Variants in GRM7 observed in about 807,000 individuals in gnomAD.
GRM7 encodes the protein glutamate metabotropic receptor 7.
Under a neutral mutation model 84.5 loss-of-function variants are expected in GRM7, and 35 were observed. The observed-to-expected ratio is 0.41, with a 90% CI of 0.32 to 0.55. GRM7 has a LOEUF of 0.55. Among genes scored for constraint, GRM7 ranks in the 20% least tolerant of loss-of-function variants. GRM7 has a pLI of 0.19. For synonymous variants in GRM7, 487 were observed against 455.1 expected (o/e 1.07, Z -0.89); for missense variants, 1,003 against 1,194.6 (o/e 0.84, Z 2.36).
intron 2 of GRM7, among the ~76,000 whole-genome samples, chr3:7,202,523 G>T (rs1221226521): frequency 6.6e-6 from 1 of 152,058 alleles, no homozygotes; most frequent in Non-Finnish European, 1.5e-5. Context: ...TAGAGGTGGG[G>T]TTTCACCATG....
chr3:7,565,839 C>A (rs937537258), intron 7 of GRM7, among the ~76,000 whole-genome samples: 1 of 152,206 alleles, frequency 6.6e-6, no homozygotes, highest in African/African-American at 2.4e-5. Context: ...TGATTCAACT[C>A]TCTAAGGAAG....
chr3:6,959,750 A>AATATGTATT (rs1461473368), intron 1 of GRM7, among the ~76,000 whole-genome samples: 1 of 152,226 alleles, frequency 6.6e-6, no homozygotes, highest in Admixed American at 6.5e-5. Flanking sequence ...TCTTTATGAC[A>AATATGTATT]ATATGTATTA....
intron 7 of GRM7, among the ~76,000 whole-genome samples, chr3:7,483,480 G>A (rs1327070529): frequency 6.6e-6 from 1 of 152,204 alleles, no homozygotes; most frequent in Admixed American, 6.5e-5. Context: ...GGAAGTGAAA[G>A]AAGCCAATGT....
intron 2 of GRM7, among the ~76,000 whole-genome samples, chr3:7,246,182 T>C (rs1697751539): frequency 6.6e-6 from 1 of 152,154 alleles, no homozygotes; most frequent in Non-Finnish European, 1.5e-5. Context: ...TCACAATTAC[T>C]AGGTTTTTAC....
intron 7 of GRM7, among the ~76,000 whole-genome samples, chr3:7,536,154 T>C (rs17721161): frequency 0.091 from 13,817 of 152,240 alleles, 776 homozygotes; most frequent in Non-Finnish European, 0.11. Context: ...TGCTGGGACT[T>C]GGTTTCTGAA....
intron 2 of GRM7, among the ~76,000 whole-genome samples, chr3:7,172,167 A>G (rs1322879816): frequency 1.3e-5 from 2 of 152,168 alleles, no homozygotes; most frequent in Non-Finnish European, 2.9e-5. Context: ...GGATTTGCCA[A>G]AAGACTATAT....
intron 1 of GRM7, among the ~76,000 whole-genome samples, chr3:7,124,433 G>T (rs1301706980): frequency 6.6e-6 from 1 of 152,186 alleles, no homozygotes; most frequent in East Asian, 1.9e-4. Flanking sequence ...TTCAACCCGG[G>T]AGGCGGAGGT....
intron 1 of GRM7, among the ~76,000 whole-genome samples, chr3:7,146,206 GC>G (rs1400650906): frequency 1.3e-5 from 2 of 152,128 alleles, no homozygotes; most frequent in East Asian, 3.9e-4. Context: ...GAATTCCCAT[GC>G]TAACCTCCTT....
At chr3:7,552,275 G>A (rs930154798) in intron 7 of GRM7, among the ~76,000 whole-genome samples, 2 of 152,210 alleles carry the variant, frequency 1.3e-5, no homozygotes, top group Admixed American at 6.5e-5. Context: ...CACCCCTGTA[G>A]CTTTGTAGGG....
intron 7 of GRM7, among the ~76,000 whole-genome samples, chr3:7,538,284 A>G (rs779444906): frequency 4.6e-5 from 7 of 152,028 alleles, no homozygotes; most frequent in Non-Finnish European, 7.4e-5. Context: ...TAATTTTTGT[A>G]TTTTTTTAGT....
At chr3:7,268,532 AC>A (rs1308422403) in intron 2 of GRM7, among the ~76,000 whole-genome samples, 1 of 152,144 alleles carries the variant, frequency 6.6e-6, no homozygotes, top group Non-Finnish European at 1.5e-5. Flanking sequence ...TAAAATTACA[AC>A]AAAATTAGTT....
At chr3:7,424,362 T>C (rs1696518346) in intron 5 of GRM7, among the ~76,000 whole-genome samples, 1 of 152,164 alleles carries the variant, frequency 6.6e-6, no homozygotes, top group South Asian at 2.1e-4. Context: ...AGCCCATCTT[T>C]CCTTTATTTT....
intron 8 of GRM7, among the ~76,000 whole-genome samples, chr3:7,657,572 T>C (rs1375559397): frequency 6.6e-6 from 1 of 152,182 alleles, no homozygotes; most frequent in African/African-American, 2.4e-5. Context: ...TTCCCTTCTT[T>C]TTTTTTCCAG....
At chr3:7,441,971 G>A (rs918964024) in intron 5 of GRM7, among the ~76,000 whole-genome samples, 2 of 151,670 alleles carry the variant, frequency 1.3e-5, no homozygotes, top group South Asian at 4.2e-4. Context: ...GTTCTTTTTG[G>A]TTCCATATGA....
chr3:7,412,715 C>G (rs1026054984), intron 4 of GRM7, among the ~76,000 whole-genome samples: 2 of 152,082 alleles, frequency 1.3e-5, no homozygotes, highest in Non-Finnish European at 2.9e-5. Flanking sequence ...GCTTCAGAAG[C>G]ACCTGGAGAT....
Position 7,558,923 on chromosome 3 carries a change from C to T in GRM7, c.1516-19499C>T, listed in dbSNP as rs114282796. On this transcript the variant is annotated intron_variant, in intron 7 of 9. Transcript: ENST00000357716. Reference sequence around the variant, plus strand: ...AATATGGCCATTGAAATCTGGGAAGCTTGTTATTAAAAGCATAACCAGCAA... The same window carrying T: ...AATATGGCCATTGAAATCTGGGAAGTTTGTTATTAAAAGCATAACCAGCAA... Among the ~76,000 whole-genome samples the T allele has an allele frequency of 3.9e-3, 586 of 152,160 alleles. 4 individuals carry two copies. Among genetic ancestry groups the T allele is most frequent in the African/African-American group, 0.013 (538 of 41,526 alleles).
chr3:7,407,135 A>G (rs1695715019), intron 4 of GRM7, among the ~76,000 whole-genome samples: 2 of 152,314 alleles, frequency 1.3e-5, no homozygotes, highest in African/African-American at 4.8e-5. Flanking sequence ...TCTGCACAGA[A>G]CATTTAATCA....
At chr3:7,496,582 C>T (rs1396543009) in intron 7 of GRM7, among the ~76,000 whole-genome samples, 2 of 152,080 alleles carry the variant, frequency 1.3e-5, no homozygotes, top group South Asian at 2.1e-4. Context: ...AGAAGTACAT[C>T]ATTGCATTAT....
chr3:7,644,767 G>A (rs1336297416), intron 8 of GRM7, among the ~76,000 whole-genome samples: 2 of 152,138 alleles, frequency 1.3e-5, no homozygotes, highest in Non-Finnish European at 2.9e-5. Flanking sequence ...TATCTGGAAA[G>A]TTGTCCCCAA....
Sources: allele counts gnomAD v4.1 joint callset (sites outside exome capture counted in the v4.1 genomes callset), GRCh38; gene constraint gnomAD v4.1.1; transcripts MANE v1.5; gene names NCBI Gene and HGNC (gene_info 2026-07-23, HGNC 2026-07-21).